SFMBT2: variants seen among roughly 807,000 people sequenced by gnomAD.
SFMBT2 encodes scm-like with four MBT domains protein 2.
SFMBT2 carries 38 observed loss-of-function variants against 110.1 expected under a neutral mutation model. The ratio of observed to expected loss-of-function variants is 0.35; its 90% confidence interval spans 0.27 to 0.45. SFMBT2 has a LOEUF of 0.45. SFMBT2 is among the 20% of genes least tolerant of loss of function. The pLI, the probability that SFMBT2 is intolerant of heterozygous loss-of-function variation, is 1.00. For synonymous variants in SFMBT2, 425 were observed against 425.4 expected (o/e 1.00, Z 0.01); for missense variants, 1,011 against 1,094.9 (o/e 0.92, Z 1.08).
chr10:7,319,064 C>T (rs773465386), intron 4 of SFMBT2, among the ~76,000 whole-genome samples: 5 of 152,188 alleles, frequency 3.3e-5, no homozygotes, highest in Admixed American at 2.6e-4. Context: ...GTCAGAGACA[C>T]GGAGGCAGAG....
chr10:7,192,493 TTAGGTACATGTTGTTGTGAGTGATAGCCC>T (rs1838630700), intron 15 of SFMBT2, among the ~76,000 whole-genome samples: 1 of 152,168 alleles, frequency 6.6e-6, no homozygotes, highest in South Asian at 2.1e-4. Context: ...TTTCTAGTTT[TTAGGTACATGTTGTTGTGAGTGATAGCCC>T]AGGACAAATG....
At position 7,197,692 on chromosome 10, in the gene SFMBT2, A is replaced by G. The variant is rs1564378219; in HGVS notation, c.1559-5T>C. 2 of 1,613,548 alleles carry G rather than the reference A, an allele frequency of 1.2e-6. No homozygotes were observed. The highest frequency in any genetic ancestry group is 3.3e-5 in the Admixed American group (2 of 60,028). On this transcript the variant is annotated splice_region_variant and splice_polypyrimidine_tract_variant and intron_variant, in intron 14 of 20. Transcript: ENST00000397167. ...AGTATTTCCCGTTGACGGTTCCTGC[A>G]GGGGACAGCAACATAGTCCATGCTT...
Position 7,367,549 on chromosome 10 carries a change from A to C in SFMBT2, c.436+100T>G. Reference sequence around the variant, plus strand: ...ACTGTGAGACCTTTGCACTAAGACCATTAGGGATTCTACGCAAGGTTCTCT... The same window carrying C: ...ACTGTGAGACCTTTGCACTAAGACCCTTAGGGATTCTACGCAAGGTTCTCT... On this transcript the variant is annotated intron_variant, in intron 4 of 20. Coordinates refer to ENST00000397167, the MANE Select transcript of SFMBT2 (RefSeq NM_001387889.1). The surrounding 1 kb of genome is among the most constrained non-coding windows in gnomAD (Gnocchi z 6.2). The C allele has an allele frequency of 6.6e-7, 1 of 1,512,616 alleles. No homozygotes were observed. The highest frequency in any genetic ancestry group is 8.8e-7 in the Non-Finnish European group (1 of 1,134,752). 93.7% of individuals were successfully genotyped at this position (1,512,616 alleles called of 1,614,324 possible).
In SFMBT2 at chr10:7,251,170, TAA is replaced by T. The variant is rs34202336; in HGVS notation, c.871-2523_871-2522del. Among the ~76,000 whole-genome samples, 488 of 147,084 alleles carry T rather than the reference TAA, an allele frequency of 3.3e-3. 5 individuals are homozygous for T. Among genetic ancestry groups the T allele is most frequent in the African/African-American group, 0.012 (471 of 40,014 alleles). On this transcript the variant is annotated intron_variant, in intron 7 of 20. Transcript: ENST00000397167. ...TGTACCAATAAAAAAAATTAAACAT[TAA>T]AAAAAAAAAAGATTAAAAGTGGGCT...
At chr10:7,381,087 A>ACATG (rs1022204408) in intron 2 of SFMBT2, among the ~76,000 whole-genome samples, 39 of 151,830 alleles carry the variant, frequency 2.6e-4, no homozygotes, top group Admixed American at 3.9e-4. Flanking sequence ...ATACATACAT[A>ACATG]CATACATACA....
chr10:7,268,154 C>T (rs566378287), intron 7 of SFMBT2, among the ~76,000 whole-genome samples: 27 of 152,168 alleles, frequency 1.8e-4, no homozygotes, highest in Non-Finnish European at 3.4e-4. Context: ...GTTACAATTA[C>T]TGATAGGCTT....
rs143063961 is a variant in SFMBT2 at position 7,293,411 on chromosome 10, T to C, written c.437-7457A>G. On this transcript the variant is annotated intron_variant, in intron 4 of 20. Transcript: ENST00000397167. The surrounding 1 kb of genome is among the most constrained non-coding windows in gnomAD (Gnocchi z 4.6). ...ACTGTGCCTGGTCAAAGTATTTTTT[T>C]TTAATGTGAAGGTAAAGCTAATGGG... Among the ~76,000 whole-genome samples the C allele has an allele frequency of 6.6e-6, 1 of 152,204 alleles. No individual in the cohort carries two copies. Among genetic ancestry groups the C allele is most frequent in the East Asian group, 1.9e-4 (1 of 5,172 alleles).
intron 11 of SFMBT2, among the ~76,000 whole-genome samples, chr10:7,220,190 G>T (rs1839679430): frequency 6.6e-6 from 1 of 152,074 alleles, no homozygotes; most frequent in African/African-American, 2.4e-5. Flanking sequence ...TAATTATCTT[G>T]CCAGCATCTC....
rs1022218575 is a variant in SFMBT2, at chr10:7,163,980, G to A, written c.2545-70C>T. 1 of 1,520,104 alleles carries A rather than the reference G, an allele frequency of 6.6e-7. No homozygotes were observed. The highest frequency in any genetic ancestry group is 8.8e-7 in the Non-Finnish European group (1 of 1,133,550). The allele number at this position is 1,520,104 out of a possible 1,614,324, so 94.2% of individuals were successfully genotyped here. A position where few individuals can be genotyped will look rare whatever the true frequency, so the allele number is the denominator to read the frequency against. The stretch of plus-strand genomic sequence containing the variant: ...GGGGTACACAGATGCGTCACAGCAG[G>A]CTCCAGTCCGGGGCCAAACATGACA... On this transcript the variant is annotated intron_variant, in intron 20 of 20. Transcript: ENST00000397167. The surrounding 1 kb of genome is among the most constrained non-coding windows in gnomAD (Gnocchi z 4.8).
chr10:7,406,042 T>A (rs1846202356), intron 1 of SFMBT2, among the ~76,000 whole-genome samples: 1 of 151,940 alleles, frequency 6.6e-6, no homozygotes, highest in South Asian at 2.1e-4. Flanking sequence ...AAATGCATCC[T>A]GAATTACAGG....
intron 4 of SFMBT2, among the ~76,000 whole-genome samples, chr10:7,325,257 C>T (rs183554136): frequency 1.1e-3 from 170 of 152,094 alleles, no homozygotes; most frequent in Non-Finnish European, 2.1e-3. Context: ...CCTGAGCCAC[C>T]GCGCCCCCAC....
intron 4 of SFMBT2, among the ~76,000 whole-genome samples, chr10:7,323,661 A>C (rs1843276608): frequency 6.6e-6 from 1 of 152,150 alleles, no homozygotes; most frequent in Admixed American, 6.5e-5. Flanking sequence ...TTTTAATTTT[A>C]ACCTCTGTAC....
chr10:7,378,096 TGA>T (rs1456418620), intron 2 of SFMBT2, among the ~76,000 whole-genome samples: 1 of 140,628 alleles, frequency 7.1e-6, no homozygotes, highest in Non-Finnish European at 1.5e-5. Context: ...TGGGTGTGTG[TGA>T]GTGTATGGAT....
chr10:7,164,874 C>G (rs1252374791), intron 20 of SFMBT2, among the ~76,000 whole-genome samples: 3 of 152,136 alleles, frequency 2.0e-5, no homozygotes, highest in Admixed American at 6.5e-5. Context: ...CTCAGCCTTT[C>G]TCTACCTACA....
At chr10:7,331,136 C>G (rs920199537) in intron 4 of SFMBT2, among the ~76,000 whole-genome samples, 1 of 152,194 alleles carries the variant, frequency 6.6e-6, no homozygotes, top group Non-Finnish European at 1.5e-5. Flanking sequence ...TCCAGCCTAC[C>G]AAGGCTTCAT....
chr10:7,179,058 A>T (rs977841837), intron 16 of SFMBT2, among the ~76,000 whole-genome samples: 1 of 152,208 alleles, frequency 6.6e-6, no homozygotes, highest in African/African-American at 2.4e-5. Context: ...GGCAAAAAAA[A>T]TTAAGGATTA....
intron 8 of SFMBT2, chr10:7,244,189 C>G (rs1840532271): frequency 8.1e-6 from 2 of 247,274 alleles, no homozygotes; most frequent in Non-Finnish European, 1.3e-5. Flanking sequence ...AACACCCCAC[C>G]CTCCAGCCCG....
intron 4 of SFMBT2, among the ~76,000 whole-genome samples, chr10:7,334,777 C>A (rs1009182901): frequency 6.6e-6 from 1 of 152,194 alleles, no homozygotes; most frequent in Non-Finnish European, 1.5e-5. Context: ...GTGCTTTGGG[C>A]TGCCTTGCGG....
intron 16 of SFMBT2, among the ~76,000 whole-genome samples, chr10:7,186,595 C>T (rs971380424): frequency 3.9e-5 from 6 of 152,002 alleles, no homozygotes. Flanking sequence ...CAGTCATGAG[C>T]CACCACGCCT....
Sources: allele counts gnomAD v4.1 joint callset (sites outside exome capture counted in the v4.1 genomes callset), GRCh38; gene constraint gnomAD v4.1.1; non-coding constraint Gnocchi (gnomAD v3.1); transcripts MANE v1.5; gene names NCBI Gene and HGNC (gene_info 2026-07-23, HGNC 2026-07-21).